The following SF3A1 variants were observed in gnomAD, a reference collection of about 807,000 sequenced individuals.
The protein encoded by SF3A1 is SAP 114.
Under a neutral mutation model 89.9 loss-of-function variants are expected in SF3A1, and 13 were observed. The observed-to-expected ratio is 0.14, with a 90% CI of 0.09 to 0.23. SF3A1 has a LOEUF of 0.23. Among genes scored for constraint, SF3A1 ranks in the 10% least tolerant of loss-of-function variants. The pLI is 1.00. For missense variants in SF3A1, 604 were observed against 1,022.1 expected (o/e 0.59, Z 5.58); for synonymous variants, 405 against 374.4 (o/e 1.08, Z -0.94).
chr22:30,349,355 A>T (rs1340088352), intron 2 of SF3A1, among the ~76,000 whole-genome samples: 1 of 152,238 alleles, frequency 6.6e-6, no homozygotes, highest in East Asian at 1.9e-4. Context: ...ATCTTGGCTC[A>T]CTGCAACCTC....
chr22:30,345,761 A>G (rs1931398931), intron 3 of SF3A1, among the ~76,000 whole-genome samples: 1 of 152,202 alleles, frequency 6.6e-6, no homozygotes, highest in African/African-American at 2.4e-5. Flanking sequence ...AGGAGTGCAG[A>G]AGGCAGGTCT....
chr22:30,355,429 CT>C (rs1337836328), intron 1 of SF3A1, among the ~76,000 whole-genome samples: 8 of 152,230 alleles, frequency 5.3e-5, no homozygotes, highest in Non-Finnish European at 1.0e-4. Flanking sequence ...TGCCTACCCC[CT>C]CTGCCCTAAT....
intron 4 of SF3A1, among the ~76,000 whole-genome samples, 195 bp downstream of exon 4, chr22:30,344,738 G>A (rs550852566): frequency 5.9e-5 from 9 of 152,280 alleles, no homozygotes; most frequent in Admixed American, 3.9e-4. Flanking sequence ...TTTAGAAACC[G>A]GCAGTCTGTG....
intron 11 of SF3A1, 104 bp from the exon 12 acceptor site, chr22:30,338,001 A>AC (rs1931127961): frequency 2.5e-6 from 2 of 811,428 alleles, no homozygotes; most frequent in African/African-American, 3.4e-5. Context: ...TGGAGGTTAG[A>AC]CAACTACGTC....
intron 13 of SF3A1, 120 bp from the exon 14 acceptor site, chr22:30,335,873 G>A (rs1355297891): frequency 2.5e-6 from 2 of 812,436 alleles, no homozygotes; most frequent in Non-Finnish European, 4.2e-6. Context: ...CTGGATTCTG[G>A]CCTGATTCAC....
intron 15 of SF3A1, 104 bp from the exon 16 acceptor site, chr22:30,334,799 AAAT>A: frequency 4.1e-6 from 3 of 739,964 alleles, no homozygotes; most frequent in Non-Finnish European, 6.7e-6. Flanking sequence ...TGGACTTAGC[AAAT>A]ACAGGAGCTT....
chr22:30,354,754 C>T (rs1170907625), intron 1 of SF3A1, among the ~76,000 whole-genome samples: 4 of 152,192 alleles, frequency 2.6e-5, no homozygotes, highest in Admixed American at 2.6e-4. Flanking sequence ...AGCTTCCACA[C>T]TCGATGATAA....
intron 13 of SF3A1, among the ~76,000 whole-genome samples, chr22:30,336,521 G>C (rs1931072138): frequency 6.6e-6 from 1 of 152,140 alleles, no homozygotes; most frequent in Non-Finnish European, 1.5e-5. Flanking sequence ...GGCCGGGGCT[G>C]TTTCTGTCTC....
chr22:30,356,166 A>G (rs1569177717), intron 1 of SF3A1, among the ~76,000 whole-genome samples: 2 of 152,164 alleles, frequency 1.3e-5, no homozygotes, highest in Non-Finnish European at 2.9e-5. Context: ...ACATTTGGTG[A>G]GCATTCTCAT....
intron 7 of SF3A1, 78 bp downstream of exon 7, chr22:30,341,614 T>C (rs1357007959): frequency 1.2e-5 from 13 of 1,083,432 alleles, no homozygotes; most frequent in Non-Finnish European, 1.6e-5. Flanking sequence ...GGGAGCTGGA[T>C]CTGACTGGTG....
intron 4 of SF3A1, 60 bp downstream of exon 4, chr22:30,344,873 C>G: frequency 6.3e-7 from 1 of 1,576,888 alleles, no homozygotes; most frequent in Non-Finnish European, 8.6e-7. Flanking sequence ...ACAGTGCTTC[C>G]AAGCATAAGA....
Position 30,334,495 on chromosome 22 carries a change from C to A in SF3A1, c.*99G>T. Reference sequence around the variant, plus strand: ...ACTGAGTAAGAGCGAAACAAATATGCAGGCAAGGCAAAGCCTCAGGGGGGC... The same window carrying A: ...ACTGAGTAAGAGCGAAACAAATATGAAGGCAAGGCAAAGCCTCAGGGGGGC... On this transcript the variant is annotated 3_prime_UTR_variant, in exon 16 of 16. Coordinates refer to ENST00000215793, the MANE Select transcript of SF3A1 (RefSeq NM_005877.6). The A allele has an allele frequency of 1.4e-6, 1 of 689,674 alleles. No individual in the cohort carries two copies. 42.7% of individuals were successfully genotyped at this position (689,674 alleles called of 1,614,324 possible). A position where few individuals can be genotyped will look rare whatever the true frequency, so the allele number is the denominator to read the frequency against.
At position 30,335,542 on chromosome 22, in the gene SF3A1, T is replaced by C. The variant is rs749493958; in HGVS notation, c.2209-4A>G. The C allele has an allele frequency of 2.2e-5, 36 of 1,614,138 alleles. No homozygotes were observed. The highest frequency in any genetic ancestry group is 3.1e-5 in the Non-Finnish European group (36 of 1,179,980). ...TCTTCACCTTAATGACAGAGACCTG[T>C]GGGATCAAGCAGCGGTCATTCAACT... is the stretch of plus-strand genomic sequence containing the variant. On this transcript the variant is annotated splice_region_variant and splice_polypyrimidine_tract_variant and intron_variant, in intron 14 of 15. Coordinates refer to ENST00000215793, the MANE Select transcript of SF3A1 (RefSeq NM_005877.6).
intron 2 of SF3A1, among the ~76,000 whole-genome samples, chr22:30,348,464 T>C (rs1931485993): frequency 6.6e-6 from 1 of 152,160 alleles, no homozygotes; most frequent in Non-Finnish European, 1.5e-5. Context: ...GGCAACAAAA[T>C]GAAATTTCAC....
intron 13 of SF3A1, 130 bp downstream of exon 13, chr22:30,336,896 C>T: frequency 1.0e-6 from 1 of 989,630 alleles, no homozygotes; most frequent in Non-Finnish European, 1.6e-6. Flanking sequence ...CCCTTAGATG[C>T]CTCCAACAGC....
At chr22:30,342,507 T>C in intron 5 of SF3A1, 157 bp from the exon 6 acceptor site, 1 of 812,410 alleles carries the variant, frequency 1.2e-6, no homozygotes, top group Non-Finnish European at 1.9e-6. Context: ...TCCACCCAGG[T>C]GCAGAGTTGG....
At chr22:30,347,825 CATT>C (rs1931465011) in intron 2 of SF3A1, among the ~76,000 whole-genome samples, 1 of 152,176 alleles carries the variant, frequency 6.6e-6, no homozygotes, top group Admixed American at 6.5e-5. Flanking sequence ...TACCTTGAAA[CATT>C]ATTGAGGAGA....
intron 2 of SF3A1, among the ~76,000 whole-genome samples, chr22:30,349,666 CTTTTTTT>C (rs58624811): frequency 7.2e-6 from 1 of 138,940 alleles, no homozygotes; most frequent in South Asian, 2.3e-4. Context: ...TTTTTTCTTT[CTTTTTTT>C]TTTTTTTTTT....
chr22:30,356,648 CGG>C, intron 1 of SF3A1, 80 bp downstream of exon 1: 1 of 1,117,590 alleles, frequency 8.9e-7, no homozygotes, highest in Non-Finnish European at 1.2e-6. Flanking sequence ...CCCTTCATAG[CGG>C]CCGGCCGCTT....
Sources: allele counts gnomAD v4.1 joint callset (sites outside exome capture counted in the v4.1 genomes callset), GRCh38; gene constraint gnomAD v4.1.1; transcripts MANE v1.5; gene names NCBI Gene and HGNC (gene_info 2026-07-23, HGNC 2026-07-21).